INPP4B: variants seen among roughly 807,000 people sequenced by gnomAD.
INPP4B encodes the protein inositol polyphosphate-4-phosphatase type II B.
INPP4B carries 55 observed loss-of-function variants against 122.5 expected under a neutral mutation model. The observed-to-expected ratio is 0.45, with a 90% CI of 0.36 to 0.56. INPP4B has a LOEUF of 0.56. Among genes scored for constraint, INPP4B ranks in the 20% least tolerant of loss-of-function variants. The pLI is 0.00. For synonymous variants in INPP4B, 403 were observed against 388.7 expected, an observed-to-expected ratio of 1.04 and a Z score of -0.43; for missense variants, 1,000 against 1,097.7, an observed-to-expected ratio of 0.91 and a Z score of 1.26.
chr4:142,378,570 T>C (rs1024949560), intron 7 of INPP4B, among the ~76,000 whole-genome samples: 1 of 152,126 alleles, frequency 6.6e-6, no homozygotes, highest in South Asian at 2.1e-4. Flanking sequence ...TAAAACAGAA[T>C]CTGAAAGACA....
chr4:142,246,272 G>A (rs913677659), intron 11 of INPP4B, among the ~76,000 whole-genome samples: 2 of 151,620 alleles, frequency 1.3e-5, no homozygotes, highest in Admixed American at 1.3e-4. Context: ...TTTGCTATAT[G>A]GGCTATTTTT....
At chr4:142,200,305 G>T (rs911189876) in intron 14 of INPP4B, among the ~76,000 whole-genome samples, 2 of 151,784 alleles carry the variant, frequency 1.3e-5, no homozygotes, top group Admixed American at 6.6e-5. Flanking sequence ...ACTTTCTAGA[G>T]CCACAAGATG....
At chr4:142,249,740 C>G (rs1731012997) in intron 11 of INPP4B, among the ~76,000 whole-genome samples, 1 of 152,134 alleles carries the variant, frequency 6.6e-6, no homozygotes, top group Non-Finnish European at 1.5e-5. Flanking sequence ...TTTCTTCTGT[C>G]AGTGCATCCA....
chr4:142,651,744 A>T (rs1753004270), intron 2 of INPP4B, among the ~76,000 whole-genome samples: 1 of 152,058 alleles, frequency 6.6e-6, no homozygotes, highest in Admixed American at 6.6e-5. Flanking sequence ...CTACCAACCA[A>T]AAAAAAGTCC....
chr4:142,211,379 C>T (rs372970993), intron 12 of INPP4B, among the ~76,000 whole-genome samples: 2 of 152,202 alleles, frequency 1.3e-5, no homozygotes, highest in South Asian at 4.2e-4. Flanking sequence ...AAGCCTAGGG[C>T]TATTTATTCA....
At chr4:142,037,761 T>C (rs558174012) in intron 25 of INPP4B, among the ~76,000 whole-genome samples, 1 of 152,282 alleles carries the variant, frequency 6.6e-6, no homozygotes, top group African/African-American at 2.4e-5. Flanking sequence ...GGCCCTAGAC[T>C]GTTGAATTGT....
intron 12 of INPP4B, among the ~76,000 whole-genome samples, chr4:142,225,691 A>T (rs1851241412): frequency 6.6e-6 from 1 of 151,938 alleles, no homozygotes; most frequent in South Asian, 2.1e-4. Flanking sequence ...AATGATGAAA[A>T]TTGTATATAG....
At chr4:142,243,775 T>C (rs1226077877) in intron 11 of INPP4B, among the ~76,000 whole-genome samples, 1 of 152,160 alleles carries the variant, frequency 6.6e-6, no homozygotes, top group African/African-American at 2.4e-5. Context: ...CTTAAAATAT[T>C]CTGAATCATG....
At chr4:142,219,352 C>CT (rs1371594385) in intron 12 of INPP4B, among the ~76,000 whole-genome samples, 2 of 152,130 alleles carry the variant, frequency 1.3e-5, no homozygotes, top group Non-Finnish European at 2.9e-5. Flanking sequence ...ATAAGTATGT[C>CT]TTTTTCCAGA....
Position 142,329,537 on chromosome 4 carries a change from C to T in INPP4B, c.373-14775G>A, listed in dbSNP as rs114509743. Among the ~76,000 whole-genome samples, 683 of 152,228 alleles carry T rather than the reference C, an allele frequency of 4.5e-3. 10 individuals carry two copies. Among genetic ancestry groups the T allele is most frequent in the African/African-American group, 0.015 (620 of 41,526 alleles). Reference sequence around the variant, plus strand: ...AAATATTACTCTGATGTGTGGAGAACGGACTGCAGGAGGTCAAGTGTGGAA... The same window carrying T: ...AAATATTACTCTGATGTGTGGAGAATGGACTGCAGGAGGTCAAGTGTGGAA... On this transcript the variant is annotated intron_variant, in intron 7 of 25. Coordinates refer to ENST00000262992, the MANE Select transcript of INPP4B (RefSeq NM_001101669.3).
chr4:142,290,507 G>T (rs543223379), intron 9 of INPP4B, among the ~76,000 whole-genome samples: 1 of 151,926 alleles, frequency 6.6e-6, no homozygotes, highest in East Asian at 1.9e-4. Flanking sequence ...TGCCCTGCTG[G>T]CCTTATTTCT....
chr4:142,489,215 A>G (rs1351501498), intron 2 of INPP4B, among the ~76,000 whole-genome samples: 1 of 152,140 alleles, frequency 6.6e-6, no homozygotes, highest in East Asian at 1.9e-4. Flanking sequence ...GTAGCTACAG[A>G]AAACTGCTCT....
At chr4:142,307,894 G>A (rs1410596162) in intron 8 of INPP4B, among the ~76,000 whole-genome samples, 1 of 152,170 alleles carries the variant, frequency 6.6e-6, no homozygotes, top group East Asian at 1.9e-4. Flanking sequence ...CATGTCATGA[G>A]ATTATTGCAG....
chr4:142,767,330 AAACTT>A (rs1457345667), intron 1 of INPP4B, among the ~76,000 whole-genome samples: 1 of 152,126 alleles, frequency 6.6e-6, no homozygotes, highest in Non-Finnish European at 1.5e-5. Context: ...AGAGATATGA[AAACTT>A]AACCTTCCAG....
At chr4:142,268,552 A>G (rs1744154525) in intron 10 of INPP4B, among the ~76,000 whole-genome samples, 2 of 151,898 alleles carry the variant, frequency 1.3e-5, no homozygotes, top group South Asian at 4.2e-4. Context: ...AGATATCTGC[A>G]CTCATGTTCA....
chr4:142,194,505 C>T (rs1041621902), intron 14 of INPP4B, among the ~76,000 whole-genome samples: 1 of 152,140 alleles, frequency 6.6e-6, no homozygotes, highest in Admixed American at 6.6e-5. Flanking sequence ...CAAAAGATCA[C>T]CCCAAAGTTA....
intron 7 of INPP4B, among the ~76,000 whole-genome samples, chr4:142,367,426 ATATGGAACTCTTAG>A (rs2148646008): frequency 6.6e-6 from 1 of 152,250 alleles, no homozygotes; most frequent in African/African-American, 2.4e-5. Context: ...AAACAATTAC[ATATGGAACTCTTAG>A]TATGGCATGG....
At chr4:142,510,648 A>G (rs908547155) in intron 2 of INPP4B, among the ~76,000 whole-genome samples, 6 of 152,182 alleles carry the variant, frequency 3.9e-5, no homozygotes, top group Non-Finnish European at 7.4e-5. Flanking sequence ...CTACGTATTG[A>G]GTAATAGACC....
intron 2 of INPP4B, among the ~76,000 whole-genome samples, chr4:142,613,593 T>A (rs1743040780): frequency 6.6e-6 from 1 of 152,214 alleles, no homozygotes; most frequent in Non-Finnish European, 1.5e-5. Context: ...GACCCTTGAC[T>A]TTTCATAGAC....
Sources: allele counts gnomAD v4.1 joint callset (sites outside exome capture counted in the v4.1 genomes callset), GRCh38; gene constraint gnomAD v4.1.1; transcripts MANE v1.5; gene names NCBI Gene and HGNC (gene_info 2026-07-23, HGNC 2026-07-21).